FHAD1: variants seen among roughly 807,000 people sequenced by gnomAD.
FHAD1 encodes the protein forkhead-associated domain-containing protein 1.
In FHAD1, 146 loss-of-function variants were observed where a neutral mutation model predicts 191.3. The ratio of observed to expected loss-of-function variants is 0.76; its 90% confidence interval spans 0.67 to 0.88. The LOEUF is 0.88. FHAD1 is among the 40% of genes least tolerant of loss of function. The pLI is 0.00. For synonymous variants in FHAD1, 616 were observed against 672.3 expected (o/e 0.92, Z 1.29); for missense variants, 1,635 against 1,785.8 (o/e 0.92, Z 1.52).
intron 22 of FHAD1, among the ~76,000 whole-genome samples, chr1:15,361,416 C>T (rs1307125085): frequency 6.6e-6 from 1 of 152,116 alleles, no homozygotes; most frequent in Non-Finnish European, 1.5e-5. Flanking sequence ...TGCCCAATGT[C>T]CCCTAGAGGC....
At chr1:15,303,816 T>C (rs59086937) in intron 6 of FHAD1, among the ~76,000 whole-genome samples, 15,205 of 151,354 alleles carry the variant, frequency 0.1, 2,419 homozygotes, top group African/African-American at 0.34. Context: ...GCCACCACAC[T>C]TTAGCCTGGG....
chr1:15,333,814 TTTTA>T (rs1217278994), intron 14 of FHAD1, among the ~76,000 whole-genome samples: 9 of 150,280 alleles, frequency 6.0e-5, no homozygotes, highest in Admixed American at 2.7e-4. Flanking sequence ...ACCATCTTTA[TTTTA>T]TTTATCTTTT....
At chr1:15,392,252 G>T (rs779817690) in intron 33 of FHAD1, among the ~76,000 whole-genome samples, 12 of 152,214 alleles carry the variant, frequency 7.9e-5, no homozygotes, top group South Asian at 2.1e-4. Context: ...TTTCCTCCAG[G>T]CCAGGCGTGG....
intron 6 of FHAD1, among the ~76,000 whole-genome samples, chr1:15,304,928 G>T (rs1344250962): frequency 6.7e-6 from 1 of 149,154 alleles, no homozygotes; most frequent in African/African-American, 2.4e-5. Flanking sequence ...GTGGCCAGGT[G>T]CAGGGCACAC....
chr1:15,351,981 A>G (rs1019611054), intron 19 of FHAD1, among the ~76,000 whole-genome samples: 2 of 152,176 alleles, frequency 1.3e-5, no homozygotes, highest in South Asian at 4.1e-4. Context: ...GGATGTTCCC[A>G]TCTCCTATCA....
rs528986684 is a variant in FHAD1 at position 15,272,230 on chromosome 1, G to A, written c.94-93G>A. ...ATGAGGATTGTCGTGATGATCTGGC[G>A]GCGGCAAAACAGGTAAGGCACTCAG... On this transcript the variant is annotated intron_variant, in intron 2 of 33. Transcript: ENST00000688493. 5.1e-5 allele frequency: 58 copies of A among 1,130,874 alleles called. No individual in the cohort carries two copies. The African/African-American group carries it at 7.0e-4, about 14-fold the overall frequency. 70.1% of individuals were successfully genotyped at this position (1,130,874 alleles called of 1,614,324 possible).
chr1:15,362,571 C>T lies in FHAD1; in HGVS notation c.2963-71C>T. 3.2e-6 allele frequency: 4 copies of T among 1,257,820 alleles called. 1 individual carries two copies. The Middle Eastern group carries it at 7.4e-4, about 233-fold the overall frequency. 77.9% of individuals were successfully genotyped at this position (1,257,820 alleles called of 1,614,324 possible). On this transcript the variant is annotated intron_variant, in intron 22 of 33. Transcript: ENST00000688493. ...GGCAGGGTTTGTAAGTTGTGAAAGA[C>T]ACAGGTGTGCTTGTAAGCAAAGGGG... is the stretch of plus-strand genomic sequence containing the variant.
At chr1:15,374,133 G>A (rs1698890881) in intron 26 of FHAD1, among the ~76,000 whole-genome samples, 1 of 152,166 alleles carries the variant, frequency 6.6e-6, no homozygotes, top group Non-Finnish European at 1.5e-5. Flanking sequence ...AAGCATCATG[G>A]GTTCTCATCT....
At position 15,345,165 on chromosome 1, in the gene FHAD1, A is replaced by C. The variant is rs1688361130; in HGVS notation, c.2213A>C (p.Glu738Ala). ...GAACGGAAGAGAATGCAAGAACTGG[A>C]GAGCCTCCTGGCCCAGCAGAAGAAG... ...EEERKRMQEL[E>A]SLLAQQKKAL... The change falls in exon 17 of 34, where the codon GAG (glutamate) becomes GCG (alanine). Residue 738 changes from glutamate (E) to alanine (A), a missense_variant. Glu to Ala is a moderately radical substitution (Grantham distance 107, BLOSUM62 -1). Transcript: ENST00000688493. 1.3e-6 allele frequency: 2 copies of C among 1,551,740 alleles called. No individual in the cohort carries two copies. Among genetic ancestry groups the C allele is most frequent in the Non-Finnish European group, 1.7e-6 (2 of 1,146,960 alleles).
chr1:15,274,252 G>A (rs989036856), intron 3 of FHAD1, among the ~76,000 whole-genome samples: 1 of 152,180 alleles, frequency 6.6e-6, no homozygotes, highest in Admixed American at 6.5e-5. Flanking sequence ...ACATAAGTGT[G>A]TCACCCAGTG....
intron 3 of FHAD1, among the ~76,000 whole-genome samples, chr1:15,273,893 C>T (rs1657191995): frequency 6.6e-6 from 1 of 152,160 alleles, no homozygotes; most frequent in African/African-American, 2.4e-5. Flanking sequence ...ACACTGTCTC[C>T]CTGTTGCCCT....
intron 13 of FHAD1, chr1:15,328,942 G>A (rs907730715): frequency 1.2e-5 from 2 of 163,864 alleles, no homozygotes; most frequent in African/African-American, 4.8e-5. Context: ...TGTTTGGGGA[G>A]TTTGTGCAAA....
chr1:15,381,491 C>T lies in FHAD1; in HGVS notation c.4022+40C>T. ...CCATGTCCCCACAGAAAGGCCCGGG[C>T]CTCCCTTCTCCTGGCTAAACTCAGG... On this transcript the variant is annotated intron_variant, in intron 30 of 33. Coordinates refer to ENST00000688493, the MANE Select transcript of FHAD1 (RefSeq NM_001391957.1). This position sits in a 1 kb window ranked among gnomAD's most constrained non-coding sequence, Gnocchi z 4.6. 1 of 1,452,924 alleles carries T rather than the reference C, an allele frequency of 6.9e-7. No homozygotes were observed. The highest frequency in any genetic ancestry group is 1.4e-5 in the African/African-American group (1 of 71,062). 90.0% of individuals were successfully genotyped at this position (1,452,924 alleles called of 1,614,324 possible).
intron 28 of FHAD1, 143 bp downstream of exon 28, chr1:15,375,873 C>T (rs371557230): frequency 3.4e-5 from 27 of 792,572 alleles, no homozygotes; most frequent in Non-Finnish European, 1.3e-5. Context: ...GCTGGGGCCC[C>T]GACCATACCC....
chr1:15,291,048 A>G (rs991130563), intron 4 of FHAD1, among the ~76,000 whole-genome samples: 1 of 151,880 alleles, frequency 6.6e-6, no homozygotes, highest in Non-Finnish European at 1.5e-5. Flanking sequence ...ACAGCAAAGT[A>G]AAAATAATTT....
At chr1:15,281,624 G>C (rs1660613996) in intron 3 of FHAD1, among the ~76,000 whole-genome samples, 1 of 151,996 alleles carries the variant, frequency 6.6e-6, no homozygotes, top group South Asian at 2.1e-4. Context: ...AGCCAGGTGT[G>C]GTGGTGCATG....
At chr1:15,319,071 C>T (rs1210817989) in intron 10 of FHAD1, among the ~76,000 whole-genome samples, 1 of 152,060 alleles carries the variant, frequency 6.6e-6, no homozygotes, top group East Asian at 1.9e-4. Context: ...CTCAAGCAGT[C>T]CTCCTGCCTC....
At chr1:15,275,746 T>G (rs973185028) in intron 3 of FHAD1, among the ~76,000 whole-genome samples, 5 of 152,006 alleles carry the variant, frequency 3.3e-5, no homozygotes, top group African/African-American at 9.7e-5. Context: ...CCAGTTTTTC[T>G]AAGAAATGTG....
rs979964436 is a variant in FHAD1, at chr1:15,251,813, G to C, written c.29G>C (p.Gly10Ala). The C allele has an allele frequency of 1.3e-6, 2 of 1,552,096 alleles. No homozygotes were observed. The highest frequency in any genetic ancestry group is 2.7e-5 in the African/African-American group (2 of 73,020). MKAYLKSAEGFFVLNKSTTI... is the reference protein window; with the variant it reads MKAYLKSAEAFFVLNKSTTI... ...AAGGCCTATCTAAAGAGCGCAGAAG[G>C]CTTTTTTGTCCTAAATAAAAGTACC... The change falls in exon 2 of 34, where the codon GGC (glycine) becomes GCC (alanine). Residue 10 changes from glycine (G) to alanine (A), a missense_variant. Coordinates refer to ENST00000688493, the MANE Select transcript of FHAD1 (RefSeq NM_001391957.1).
Sources: allele counts gnomAD v4.1 joint callset (sites outside exome capture counted in the v4.1 genomes callset), GRCh38; gene constraint gnomAD v4.1.1; non-coding constraint Gnocchi (gnomAD v3.1); transcripts MANE v1.5; gene names NCBI Gene and HGNC (gene_info 2026-07-23, HGNC 2026-07-21).